SAFB: variants seen among roughly 807,000 people sequenced by gnomAD.
SAFB encodes the protein scaffold attachment factor B1.
Under a neutral mutation model 101.6 loss-of-function variants are expected in SAFB, and 15 were observed. The ratio of observed to expected loss-of-function variants is 0.15; its 90% CI spans 0.10 to 0.23. The LOEUF (loss-of-function observed/expected upper bound fraction) is 0.23, where lower values mean the gene tolerates loss of function less well. Among genes scored for constraint, SAFB ranks in the 10% least tolerant of loss-of-function variants. The pLI, the probability that SAFB is intolerant of heterozygous loss-of-function variation, is 1.00. For missense variants in SAFB, 930 were observed against 1,104.1 expected (o/e 0.84, Z 2.23); for synonymous variants, 449 against 407.5 (o/e 1.10, Z -1.23).
intron 17 of SAFB, 59 bp from the exon 18 acceptor site, chr19:5,666,987 T>C (rs2054340307): frequency 5.7e-6 from 6 of 1,050,940 alleles, no homozygotes; most frequent in Non-Finnish European, 9.0e-6. Context: ...CTGAAAAGCC[T>C]TGGGGTCTGG....
chr19:5,657,259 C>T lies in SAFB; in HGVS notation c.1774C>T (p.Arg592Cys), dbSNP rs1358358321. 5 of 1,613,690 alleles carry T rather than the reference C, an allele frequency of 3.1e-6. No homozygotes were observed. Among genetic ancestry groups the T allele is most frequent in the South Asian group, 1.1e-5 (1 of 91,062 alleles). ...GAACTAGGCTTCCAAAAGCCAGGAT[C>T]GCAAATCAGCCAGCAGAGAGAAGCG... ...SKERASKSQD[R>C]KSASREKRSV... Residue 592 changes from arginine to cysteine, a missense_variant, in exon 14 of 21, where the codon CGC becomes TGC. By Grantham distance (180) the Arg-to-Cys change is radical. Coordinates refer to ENST00000588852, the MANE Select transcript of SAFB (RefSeq NM_001201338.2).
At chr19:5,627,747 CAAA>C (rs1211220948) in intron 2 of SAFB, among the ~76,000 whole-genome samples, 3 of 152,114 alleles carry the variant, frequency 2.0e-5, no homozygotes, top group African/African-American at 7.2e-5. Context: ...CCTAGTTCCT[CAAA>C]AGACAACTGA....
intron 17 of SAFB, 145 bp from the exon 18 acceptor site, chr19:5,666,901 C>G: frequency 1.3e-6 from 1 of 742,774 alleles, no homozygotes; most frequent in Non-Finnish European, 2.5e-6. Flanking sequence ...AGGAAGGCAG[C>G]TGTGTTGTGT....
At chr19:5,658,687 CA>C (rs940965636) in intron 14 of SAFB, among the ~76,000 whole-genome samples, 1 of 151,558 alleles carries the variant, frequency 6.6e-6, no homozygotes, top group African/African-American at 2.4e-5. Flanking sequence ...ACTAAAAATA[CA>C]AAAAATGAAC....
chr19:5,662,289 G>A (rs550839413), intron 15 of SAFB, among the ~76,000 whole-genome samples: 6 of 152,246 alleles, frequency 3.9e-5, no homozygotes, highest in Admixed American at 3.9e-4. Flanking sequence ...CCTTAGCTCA[G>A]GAGTTGAAGA....
At chr19:5,644,601 C>T (rs1047864743) in intron 4 of SAFB, among the ~76,000 whole-genome samples, 1 of 152,138 alleles carries the variant, frequency 6.6e-6, no homozygotes, top group Non-Finnish European at 1.5e-5. Context: ...GCGTGTCTTT[C>T]CTAGTGAAAT....
chr19:5,630,767 A>T (rs562036925), intron 2 of SAFB, among the ~76,000 whole-genome samples: 1 of 152,046 alleles, frequency 6.6e-6, no homozygotes, highest in Non-Finnish European at 1.5e-5. Context: ...AAAAAAAAAA[A>T]ACTATATGTA....
At chr19:5,636,100 C>T (rs889520259) in intron 2 of SAFB, among the ~76,000 whole-genome samples, 1 of 151,924 alleles carries the variant, frequency 6.6e-6, no homozygotes, top group Non-Finnish European at 1.5e-5. Context: ...GGGGAGCTTT[C>T]CCCTGAGAAG....
intron 2 of SAFB, among the ~76,000 whole-genome samples, chr19:5,631,788 GT>G (rs1290066408): frequency 3.9e-5 from 6 of 152,316 alleles, no homozygotes; most frequent in African/African-American, 9.6e-5. Flanking sequence ...GCTCTCGTCT[GT>G]AAGCCCAACA....
intron 2 of SAFB, among the ~76,000 whole-genome samples, chr19:5,628,991 G>A (rs1362830566): frequency 6.6e-6 from 1 of 152,014 alleles, no homozygotes; most frequent in African/African-American, 2.4e-5. Context: ...GAGGGTAGTC[G>A]CGCAGTCATA....
At chr19:5,647,942 A>T in intron 5 of SAFB, 74 bp from the exon 6 acceptor site, 2 of 1,318,032 alleles carry the variant, frequency 1.5e-6, no homozygotes, top group Non-Finnish European at 2.2e-6. Context: ...CTCTTTAGTT[A>T]TTCTGGGTTT....
At chr19:5,658,453 G>A (rs2054115176) in intron 14 of SAFB, among the ~76,000 whole-genome samples, 1 of 152,228 alleles carries the variant, frequency 6.6e-6, no homozygotes, top group Non-Finnish European at 1.5e-5. Context: ...AGCACTTCGG[G>A]AGGCCGAGGC....
chr19:5,665,455 A>G (rs1037464769), intron 17 of SAFB: 4 of 151,212 alleles, frequency 2.6e-5, no homozygotes, highest in Non-Finnish European at 5.9e-5. Flanking sequence ...GGGGGTTTAC[A>G]TGAGGTGGGC....
intron 3 of SAFB, 39 bp downstream of exon 3, chr19:5,641,697 A>T (rs570059868): frequency 2.2e-5 from 36 of 1,613,142 alleles, no homozygotes; most frequent in Non-Finnish European, 3.1e-5. Context: ...TGGTGGATGG[A>T]CCAGTGGCGG....
chr19:5,645,444 C>T, intron 5 of SAFB, 45 bp downstream of exon 5: 1 of 913,100 alleles, frequency 1.1e-6, no homozygotes, highest in South Asian at 1.4e-5. Context: ...AAAGGTCAGA[C>T]CACAATTTCT....
chr19:5,648,546 A>G, intron 6 of SAFB: 2 of 322,986 alleles, frequency 6.2e-6, no homozygotes, highest in Non-Finnish European at 1.2e-5. Flanking sequence ...TGGACTGCAA[A>G]TATCTCAGAG....
At chr19:5,631,891 A>G (rs1204480454) in intron 2 of SAFB, among the ~76,000 whole-genome samples, 1 of 152,098 alleles carries the variant, frequency 6.6e-6, no homozygotes, top group Admixed American at 6.6e-5. Flanking sequence ...CCAAAAAATT[A>G]GAAAAATTAG....
chr19:5,661,885 A>ATTT (rs35301279), intron 15 of SAFB, 77 bp downstream of exon 15: 58 of 833,212 alleles, frequency 7.0e-5, no homozygotes, highest in Non-Finnish European at 8.4e-5. Context: ...TTAGCTTGAG[A>ATTT]TTTTTTTTTT....
At chr19:5,660,562 T>G (rs148758517) in intron 14 of SAFB, among the ~76,000 whole-genome samples, 1 of 151,564 alleles carries the variant, frequency 6.6e-6, no homozygotes. Flanking sequence ...TATCTATAAC[T>G]GTGTAGGTAA....
Sources: gnomAD v4.1 joint callset for allele counts (sites outside exome capture counted in the v4.1 genomes callset) on GRCh38, gnomAD v4.1.1 for gene constraint, MANE v1.5 for transcripts, NCBI Gene and HGNC (gene_info 2026-07-23, HGNC 2026-07-21) for gene names.